ATP11A: variants seen among roughly 807,000 people sequenced by gnomAD.
ATP11A encodes the protein ATPase phospholipid transporting 11A.
Under a neutral mutation model 154.4 loss-of-function variants are expected in ATP11A, and 81 were observed. The observed-to-expected ratio is 0.52, with a 90% CI of 0.44 to 0.63. ATP11A has a LOEUF of 0.63. Among genes scored for constraint, ATP11A ranks in the 30% least tolerant of loss-of-function variants. ATP11A has a pLI of 0.00. For missense variants in ATP11A, 1,316 were observed against 1,474.3 expected, an observed-to-expected ratio of 0.89 and a Z score of 1.76; for synonymous variants, 623 against 585.9, an observed-to-expected ratio of 1.06 and a Z score of -0.91.
chr13:112,881,268 C>T, intron 29 of ATP11A: 1 of 992,612 alleles, frequency 1.0e-6, no homozygotes, highest in Non-Finnish European at 1.2e-6. Flanking sequence ...ACATCCGGGG[C>T]CCCAGTGGGC....
chr13:112,749,862 T>C (rs372311), intron 1 of ATP11A, among the ~76,000 whole-genome samples: 3,269 of 98,410 alleles, frequency 0.033, 138 homozygotes, highest in Middle Eastern at 0.082. Context: ...CATCCTCCCA[T>C]GTGGGGACAC....
At chr13:112,828,525 C>T (rs2079005507) in intron 12 of ATP11A, among the ~76,000 whole-genome samples, 2 of 147,398 alleles carry the variant, frequency 1.4e-5, no homozygotes, top group Admixed American at 6.8e-5. Context: ...GGGGAAAGCG[C>T]CCAGCAGTGT....
chr13:112,856,140 A>C (rs1594189331), intron 20 of ATP11A, 55 bp downstream of exon 20: 2 of 1,544,516 alleles, frequency 1.3e-6, no homozygotes. Flanking sequence ...AACACTGAAA[A>C]CCTTCCGTTA....
chr13:112,877,173 A>T (rs2080754578), intron 28 of ATP11A, among the ~76,000 whole-genome samples: 1 of 152,070 alleles, frequency 6.6e-6, no homozygotes, highest in Admixed American at 6.5e-5. Flanking sequence ...TTGGCTGCTT[A>T]TAAGAAGGTC....
At chr13:112,854,562 A>G (rs758486763) in intron 19 of ATP11A, 32 bp downstream of exon 19, 6 of 1,581,378 alleles carry the variant, frequency 3.8e-6, no homozygotes, top group Middle Eastern at 2.2e-4. Context: ...CCACCCCCAC[A>G]CTCCCGCAAA....
At chr13:112,779,126 AGCCGCTGGAGTGAG>A in intron 1 of ATP11A, among the ~76,000 whole-genome samples, 1 of 34,782 alleles carries the variant, frequency 2.9e-5, no homozygotes, top group Non-Finnish European at 5.3e-5. Flanking sequence ...TGGAGTGAGT[AGCCGCTGGAGTGAG>A]TAGCCGCTGG....
chr13:112,857,810 T>G lies in ATP11A; in HGVS notation c.2419-8T>G, dbSNP rs1168449433. On this transcript the variant is annotated splice_region_variant and splice_polypyrimidine_tract_variant and intron_variant, in intron 20 of 29. Transcript: ENST00000375645. ...AGAAGATAAATTCCGCATTTCTTTCTTTTGCAGATTGTTAAATTAATCAAA... is the reference window on the plus strand; with the variant it reads ...AGAAGATAAATTCCGCATTTCTTTCGTTTGCAGATTGTTAAATTAATCAAA... 1 of 1,609,484 alleles carries G rather than the reference T, an allele frequency of 6.2e-7. No homozygotes were observed. The highest frequency in any genetic ancestry group is 1.3e-5 in the African/African-American group (1 of 74,850).
At chr13:112,770,221 C>T (rs2077193833) in intron 1 of ATP11A, among the ~76,000 whole-genome samples, 1 of 152,132 alleles carries the variant, frequency 6.6e-6, no homozygotes, top group Non-Finnish European at 1.5e-5. Flanking sequence ...GTTCTGGACC[C>T]AGTAAACTAT....
At chr13:112,868,782 G>A (rs1168844943) in intron 25 of ATP11A, among the ~76,000 whole-genome samples, 1 of 152,140 alleles carries the variant, frequency 6.6e-6, no homozygotes, top group Non-Finnish European at 1.5e-5. Flanking sequence ...GGGTGATTTA[G>A]GAAGAAAAGA....
At chr13:112,749,947 ATCC>A (rs1340021656) in intron 1 of ATP11A, among the ~76,000 whole-genome samples, 3 of 121,724 alleles carry the variant, frequency 2.5e-5, no homozygotes. Flanking sequence ...GAGAGTCTCC[ATCC>A]TCCCACGTGG....
chr13:112,827,046 G>A (rs1366802034), intron 12 of ATP11A, among the ~76,000 whole-genome samples, 155 bp downstream of exon 12: 1 of 152,224 alleles, frequency 6.6e-6, no homozygotes, highest in Admixed American at 6.5e-5. Flanking sequence ...TTATGAAACA[G>A]TCAGCCGTGC....
At chr13:112,858,949 C>G (rs7995883) in intron 22 of ATP11A, 70,602 of 233,352 alleles carry the variant, frequency 0.3, 11,285 homozygotes, top group East Asian at 0.48. Flanking sequence ...CTGCATCCCC[C>G]CAGGGTCTGG....
At chr13:112,712,916 CT>C (rs763255865) in intron 1 of ATP11A, among the ~76,000 whole-genome samples, 3 of 152,232 alleles carry the variant, frequency 2.0e-5, no homozygotes, top group Non-Finnish European at 4.4e-5. Context: ...TGAGGGCTTT[CT>C]TTTTATAGCA....
At chr13:112,705,474 C>T (rs1386824003) in intron 1 of ATP11A, among the ~76,000 whole-genome samples, 1 of 149,876 alleles carries the variant, frequency 6.7e-6, no homozygotes, top group Non-Finnish European at 1.5e-5. Context: ...CGCCCCAGCT[C>T]TCCTGGAGAC....
chr13:112,737,130 A>G (rs1021993241), intron 1 of ATP11A, among the ~76,000 whole-genome samples: 1 of 152,268 alleles, frequency 6.6e-6, no homozygotes, highest in African/African-American at 2.4e-5. Context: ...GACAGCCTAA[A>G]CAAGGAAAAG....
rs1323741608 is a variant in ATP11A at position 112,859,478 on chromosome 13, G to C, written c.2727+26G>C. On this transcript the variant is annotated intron_variant, in intron 23 of 29. Transcript: ENST00000375645. The surrounding 1 kb of genome is among the most constrained non-coding windows in gnomAD (Gnocchi z 4.3). ...GTCAGTCCTAGGGTCTTCAGGGACA[G>C]GCTGTCTGAGCCTTCTTTTCCTTCC... 1 of 1,596,272 alleles carries C rather than the reference G, an allele frequency of 6.3e-7. No individual in the cohort carries two copies. Among genetic ancestry groups the C allele is most frequent in the Non-Finnish European group, 8.6e-7 (1 of 1,163,896 alleles).
At chr13:112,733,947 T>C (rs1209722357) in intron 1 of ATP11A, among the ~76,000 whole-genome samples, 2 of 152,228 alleles carry the variant, frequency 1.3e-5, no homozygotes, top group East Asian at 3.8e-4. Flanking sequence ...CAATCTTAAA[T>C]TAGCAGTTCT....
At chr13:112,801,069 A>G (rs533680307) in intron 2 of ATP11A, among the ~76,000 whole-genome samples, 1 of 152,088 alleles carries the variant, frequency 6.6e-6, no homozygotes, top group East Asian at 1.9e-4. Context: ...GTTTCACCCT[A>G]AGATTGGAAA....
chr13:112,858,932 G>A (rs1008903256), intron 22 of ATP11A: 36 of 219,890 alleles, frequency 1.6e-4, no homozygotes, highest in Middle Eastern at 3.4e-3. Flanking sequence ...AGGACCATCC[G>A]CAGACTCTGC....
Sources: gnomAD v4.1 joint callset for allele counts (sites outside exome capture counted in the v4.1 genomes callset) on GRCh38, gnomAD v4.1.1 for gene constraint, Gnocchi (gnomAD v3.1) non-coding constraint, MANE v1.5 for transcripts, NCBI Gene and HGNC (gene_info 2026-07-23, HGNC 2026-07-21) for gene names.